Variants in GNAS-AS1 observed in about 807,000 individuals in gnomAD.
GNAS-AS1 encodes GNAS antisense RNA 1.
intron 1 of GNAS-AS1, among the ~76,000 whole-genome samples, chr20:58,849,715 G>C (rs1438968567): frequency 6.6e-6 from 1 of 152,160 alleles, no homozygotes; most frequent in Non-Finnish European, 1.5e-5. Context: ...CATAAGAGCT[G>C]CTCCAGGAGG....
At chr20:58,829,801 T>C (rs1398113664) in intron 4 of GNAS-AS1, among the ~76,000 whole-genome samples, 1 of 152,158 alleles carries the variant, frequency 6.6e-6, no homozygotes, top group African/African-American at 2.4e-5. Context: ...AAAGAACATC[T>C]TTCTTTTCCA....
chr20:58,834,990 T>C (rs1269878866), intron 4 of GNAS-AS1, among the ~76,000 whole-genome samples: 4 of 152,144 alleles, frequency 2.6e-5, no homozygotes, highest in Non-Finnish European at 5.9e-5. Context: ...TTTCTACTGG[T>C]GAGAGCCAAT....
chr20:58,839,162 C>G (rs1434606230), intron 4 of GNAS-AS1: 1 of 398,364 alleles, frequency 2.5e-6, no homozygotes, highest in African/African-American at 2.1e-5. Context: ...CTACCTCAAC[C>G]GTGGGGGCCC....
intron 4 of GNAS-AS1, among the ~76,000 whole-genome samples, chr20:58,826,401 A>T (rs1306502335): frequency 1.3e-5 from 2 of 152,162 alleles, no homozygotes; most frequent in Non-Finnish European, 2.9e-5. Flanking sequence ...GTGGATGACA[A>T]ATGTTATGGT....
At chr20:58,830,307 C>CAAT (rs2085549502) in intron 4 of GNAS-AS1, among the ~76,000 whole-genome samples, 1 of 146,858 alleles carries the variant, frequency 6.8e-6, no homozygotes, top group African/African-American at 2.5e-5. Flanking sequence ...ACCATCACCA[C>CAAT]CACCACCACA....
At position 58,840,392 on chromosome 20, in the gene GNAS-AS1, TCC is replaced by T; in HGVS notation, n.819+1543_819+1544del. On this transcript the variant is annotated intron_variant and non_coding_transcript_variant, in intron 4 of 4. Transcript: ENST00000424094. This position sits in a 1 kb window ranked among gnomAD's most constrained non-coding sequence, Gnocchi z 6.0. Reference sequence around the variant, plus strand: ...GCACGAGGAGGCAGACCTTGAGCTGTCCCTCCCCGAGTGCCTAGAGTACGAGG... The same window carrying T: ...GCACGAGGAGGCAGACCTTGAGCTGTCTCCCCGAGTGCCTAGAGTACGAGG... The T allele has an allele frequency of 6.2e-7, 1 of 1,613,320 alleles. No homozygotes were observed. Among genetic ancestry groups the T allele is most frequent in the Non-Finnish European group, 8.5e-7 (1 of 1,179,940 alleles).
At chr20:58,823,008 A>C (rs935717925) in intron 4 of GNAS-AS1, among the ~76,000 whole-genome samples, 1 of 151,862 alleles carries the variant, frequency 6.6e-6, no homozygotes, top group Admixed American at 6.6e-5. Context: ...CCTGGCGCCT[A>C]CTGTTTCCTC....
At chr20:58,824,332 CAT>C in intron 4 of GNAS-AS1, among the ~76,000 whole-genome samples, 1 of 152,358 alleles carries the variant, frequency 6.6e-6, no homozygotes, top group East Asian at 1.9e-4. Context: ...TAAAAATACA[CAT>C]GTGAAAAATT....
chr20:58,840,639 C>CGCCGCCCA lies in GNAS-AS1; in HGVS notation n.819+1290_819+1297dup, dbSNP rs770021477. ...AGCCCCGACGCCTCCCCAAGTCGCG[C>CGCCGCCCA]GCCGCCCAGCACTCAGGAGCCCCAG... is the stretch of plus-strand genomic sequence containing the variant. On this transcript the variant is annotated intron_variant and non_coding_transcript_variant, in intron 4 of 4. Coordinates refer to ENST00000424094, the Ensembl canonical transcript of GNAS-AS1. The surrounding 1 kb of genome is among the most constrained non-coding windows in gnomAD (Gnocchi z 6.0). The CGCCGCCCA allele has an allele frequency of 2.2e-5, 35 of 1,605,926 alleles. No individual in the cohort carries two copies. Among genetic ancestry groups the CGCCGCCCA allele is most frequent in the Non-Finnish European group, 2.8e-5 (33 of 1,178,194 alleles).
intron 4 of GNAS-AS1, among the ~76,000 whole-genome samples, chr20:58,828,114 A>G (rs2085532509): frequency 6.6e-6 from 1 of 152,254 alleles, no homozygotes; most frequent in South Asian, 2.1e-4. Context: ...TGGAACAACC[A>G]AGAGAAAAAG....
At chr20:58,821,340 C>A (rs1228335746) in intron 4 of GNAS-AS1, among the ~76,000 whole-genome samples, 1 of 152,214 alleles carries the variant, frequency 6.6e-6, no homozygotes, top group African/African-American at 2.4e-5. Flanking sequence ...AGAGCCATCA[C>A]CTCGGACTCC....
At position 58,840,758 on chromosome 20, in the gene GNAS-AS1, C is replaced by T; in HGVS notation, n.819+1179G>A. 1 of 1,607,066 alleles carries T rather than the reference C, an allele frequency of 6.2e-7. No individual in the cohort carries two copies. Among genetic ancestry groups the T allele is most frequent in the Non-Finnish European group, 8.5e-7 (1 of 1,179,530 alleles). ...GCCCAAGGAGGAGAAGCAGCGGCGT[C>T]GCTGCAAGCCAAAGAAGCCCACCCG... On this transcript the variant is annotated intron_variant and non_coding_transcript_variant, in intron 4 of 4. Coordinates refer to ENST00000424094, the Ensembl canonical transcript of GNAS-AS1. This position sits in a 1 kb window ranked among gnomAD's most constrained non-coding sequence, Gnocchi z 6.0.
chr20:58,829,997 C>T (rs2085543508), intron 4 of GNAS-AS1, among the ~76,000 whole-genome samples: 1 of 152,082 alleles, frequency 6.6e-6, no homozygotes, highest in African/African-American at 2.4e-5. Flanking sequence ...CATTAAGAAT[C>T]CACTAAAAGA....
intron 4 of GNAS-AS1, among the ~76,000 whole-genome samples, chr20:58,820,386 C>G (rs1453442639): frequency 1.3e-5 from 2 of 152,246 alleles, no homozygotes; most frequent in Non-Finnish European, 2.9e-5. Context: ...GGAGCCATAC[C>G]TGGCACCTGG....
intron 2 of GNAS-AS1, among the ~76,000 whole-genome samples, chr20:58,845,422 CT>C (rs1412845899): frequency 1.3e-5 from 2 of 152,184 alleles, no homozygotes; most frequent in African/African-American, 2.4e-5. Flanking sequence ...CTAGACCCCA[CT>C]GTCTGTTTAT....
At chr20:58,829,883 G>T (rs1347432527) in intron 4 of GNAS-AS1, among the ~76,000 whole-genome samples, 4 of 152,026 alleles carry the variant, frequency 2.6e-5, no homozygotes, top group African/African-American at 9.7e-5. Flanking sequence ...CCCCCTCACT[G>T]CATGCATTCA....
chr20:58,823,528 TCCC>T (rs756870561), intron 4 of GNAS-AS1, among the ~76,000 whole-genome samples: 1 of 152,002 alleles, frequency 6.6e-6, no homozygotes, highest in East Asian at 1.9e-4. Flanking sequence ...CTGTCCTCCA[TCCC>T]CCCCGTCTCC....
intron 4 of GNAS-AS1, chr20:58,834,084 T>C (rs1304486083): frequency 2.6e-5 from 4 of 152,168 alleles, no homozygotes; most frequent in African/African-American, 7.2e-5. Flanking sequence ...TAAGGGTTTC[T>C]CCCCTCCGGG....
At chr20:58,846,393 G>A (rs2085941560) in intron 2 of GNAS-AS1, among the ~76,000 whole-genome samples, 1 of 152,152 alleles carries the variant, frequency 6.6e-6, no homozygotes, top group Admixed American at 6.6e-5. Flanking sequence ...TACCAATGAG[G>A]CTCACAGATT....
Sources: gnomAD v4.1 joint callset for allele counts (sites outside exome capture counted in the v4.1 genomes callset) on GRCh38, gnomAD v4.1.1 for gene constraint, Gnocchi (gnomAD v3.1) non-coding constraint, MANE v1.5 for transcripts, NCBI Gene and HGNC (gene_info 2026-07-23, HGNC 2026-07-21) for gene names.